DRC1: variants seen among roughly 807,000 people sequenced by gnomAD.
DRC1 encodes dynein regulatory complex subunit 1.
Under a neutral mutation model 98.7 loss-of-function variants are expected in DRC1, and 74 were observed. The ratio of observed to expected loss-of-function variants is 0.75; its 90% confidence interval spans 0.62 to 0.91. DRC1 has a LOEUF of 0.91. Among genes scored for constraint, DRC1 ranks in the 40% least tolerant of loss-of-function variants. The pLI is 0.00. For synonymous variants in DRC1, 336 were observed against 334.1 expected, an observed-to-expected ratio of 1.01 and a Z score of -0.06; for missense variants, 875 against 886.0, an observed-to-expected ratio of 0.99 and a Z score of 0.16.
At chr2:26,442,765 A>T (rs934023715) in intron 8 of DRC1, among the ~76,000 whole-genome samples, 1 of 152,100 alleles carries the variant, frequency 6.6e-6, no homozygotes, top group Non-Finnish European at 1.5e-5. Flanking sequence ...CCCTGTTTCC[A>T]GTTCTCCAGC....
rs1406745326 is a variant in DRC1, at chr2:26,429,182, GATGATTATTATTATTATTATTATT to G, written c.541-443_541-420del. Among the ~76,000 whole-genome samples, 150 of 145,902 alleles carry G rather than the reference GATGATTATTATTATTATTATTATT, an allele frequency of 1.0e-3. 3 individuals are homozygous for G. The highest frequency in any genetic ancestry group is 3.1e-3 in the South Asian group (14 of 4,558). On this transcript the variant is annotated intron_variant, in intron 4 of 16. Coordinates refer to ENST00000288710, the MANE Select transcript of DRC1 (RefSeq NM_145038.5). ...TCTGAAACCACTTTCTCTTTGTACAGATGATTATTATTATTATTATTATTATTATTATTATTATTATTATTATTA... is the reference window on the plus strand; with the variant it reads ...TCTGAAACCACTTTCTCTTTGTACAGATTATTATTATTATTATTATTATTA...
rs1572346150 is a variant in DRC1 at position 26,402,142 on chromosome 2, G to A, written c.153G>A (p.Arg51=). ...TCGCTGCGCGCTTAGAAGCCCGGAG[G>A]CGGTGAGCGCGGGGGCGGGCGGGGC... The part of the protein sequence containing the change: ...LRIAARLEAR[R]REALGEYLDG... The change falls in exon 1 of 17, where the codon AGG becomes AGA. Residue 51 remains arginine (R), a splice_region_variant and synonymous_variant. Transcript: ENST00000288710. The A allele has an allele frequency of 4.4e-6, 7 of 1,600,024 alleles. No homozygotes were observed. The highest frequency in any genetic ancestry group is 2.3e-5 in the East Asian group (1 of 44,350).
At chr2:26,421,569 T>C (rs1663143532) in intron 3 of DRC1, among the ~76,000 whole-genome samples, 169 bp downstream of exon 3, 1 of 149,880 alleles carries the variant, frequency 6.7e-6, no homozygotes, top group African/African-American at 2.5e-5. Context: ...TTTTTTTTTT[T>C]TTTTTTTTGA....
At chr2:26,419,206 A>G (rs2147984072) in intron 2 of DRC1, among the ~76,000 whole-genome samples, 1 of 152,174 alleles carries the variant, frequency 6.6e-6, no homozygotes, top group Non-Finnish European at 1.5e-5. Flanking sequence ...TTATTTAACA[A>G]TTTTTACATG....
chr2:26,443,737 T>C (rs1338063424), intron 8 of DRC1, among the ~76,000 whole-genome samples: 2 of 152,262 alleles, frequency 1.3e-5, no homozygotes, highest in African/African-American at 4.8e-5. Context: ...TTACTGGACC[T>C]GTTAACGGTA....
intron 7 of DRC1, among the ~76,000 whole-genome samples, chr2:26,435,027 T>C (rs1663535473): frequency 6.6e-6 from 1 of 151,958 alleles, no homozygotes; most frequent in African/African-American, 2.4e-5. Context: ...GCAGGCCCAG[T>C]TTAGGGTCGA....
chr2:26,453,295 C>T, intron 13 of DRC1, 25 bp from the exon 14 acceptor site: 6 of 1,613,460 alleles, frequency 3.7e-6, no homozygotes, highest in Non-Finnish European at 5.1e-6. Flanking sequence ...CCCCAGCCCA[C>T]AGTTGTCCGT....
At chr2:26,404,910 G>A (rs1330079239) in intron 1 of DRC1, among the ~76,000 whole-genome samples, 4 of 152,146 alleles carry the variant, frequency 2.6e-5, no homozygotes, top group Admixed American at 2.6e-4. Flanking sequence ...GGGTGTCAAT[G>A]GTAACTCAGA....
intron 13 of DRC1, among the ~76,000 whole-genome samples, chr2:26,451,889 T>C (rs1664016620): frequency 6.6e-6 from 1 of 152,174 alleles, no homozygotes; most frequent in African/African-American, 2.4e-5. Flanking sequence ...AGTTAAGGCA[T>C]TTCCTTAATA....
In DRC1 at chr2:26,429,361, G is replaced by T. The variant is rs144593324; in HGVS notation, c.541-267G>T. 7.1e-3 allele frequency among the ~76,000 whole-genome samples: 1,074 copies of T among 152,016 alleles called. 7 individuals carry two copies. The highest frequency in any genetic ancestry group is 0.012 in the Admixed American group (178 of 15,258). ...CTCCCAAGTAGCTGGGACCACAGGC[G>T]TGCACCACCACATCTGGCTAATTTT... On this transcript the variant is annotated intron_variant, in intron 4 of 16. Coordinates refer to ENST00000288710, the MANE Select transcript of DRC1 (RefSeq NM_145038.5).
chr2:26,440,612 T>C, intron 8 of DRC1, 95 bp downstream of exon 8: 1 of 1,379,682 alleles, frequency 7.2e-7, no homozygotes. Flanking sequence ...TAGAAACCAT[T>C]AAAAATATAA....
At position 26,442,259 on chromosome 2, in the gene DRC1, C is replaced by A. The variant is rs79320706; in HGVS notation, c.1028+1742C>A. ...CTGCCTCTTAATATTATCACATTGA[C>A]AACACTGAATTTTGGAGGAGTTACA... On this transcript the variant is annotated intron_variant, in intron 8 of 16. Transcript: ENST00000288710. Among the ~76,000 whole-genome samples the A allele has an allele frequency of 6.6e-5, 10 of 152,268 alleles. No individual in the cohort carries two copies. The East Asian group carries it at 1.9e-3, about 29-fold the overall frequency.
chr2:26,421,007 A>G (rs1214676301), intron 2 of DRC1: 2 of 198,856 alleles, frequency 1.0e-5, no homozygotes, highest in Non-Finnish European at 2.1e-5. Flanking sequence ...CAAATGCTCC[A>G]CCCACCTTGG....
At chr2:26,407,054 A>C (rs1488604046) in intron 1 of DRC1, among the ~76,000 whole-genome samples, 5 of 152,038 alleles carry the variant, frequency 3.3e-5, no homozygotes, top group Admixed American at 2.6e-4. Flanking sequence ...TCCAGAGCTC[A>C]AGTGATCCTG....
chr2:26,456,252 A>C (rs1446501428), intron 16 of DRC1, among the ~76,000 whole-genome samples: 1 of 152,192 alleles, frequency 6.6e-6, no homozygotes, highest in African/African-American at 2.4e-5. Context: ...ACGCTACCAG[A>C]GGTCACAGCT....
intron 2 of DRC1, among the ~76,000 whole-genome samples, chr2:26,416,333 G>T (rs933205954): frequency 2.0e-5 from 3 of 151,970 alleles, no homozygotes; most frequent in African/African-American, 7.2e-5. Flanking sequence ...TAGAGACAGG[G>T]TTTTCCCCAT....
At position 26,454,651 on chromosome 2, in the gene DRC1, T is replaced by C; in HGVS notation, c.1924T>C (p.Ser642Pro). The C allele has an allele frequency of 6.2e-7, 1 of 1,614,094 alleles. No individual in the cohort carries two copies. The highest frequency in any genetic ancestry group is 8.5e-7 in the Non-Finnish European group (1 of 1,180,012). Residue 642 changes from serine to proline, a missense_variant, in exon 15 of 17, where the codon TCG (serine) becomes CCG (proline). By Grantham distance (74) the Ser-to-Pro change is moderately conservative. Transcript: ENST00000288710. The surrounding 1 kb of genome is among the most constrained non-coding windows in gnomAD (Gnocchi z 5.2). ...CACTGTGCTCTTGGCCTTCAGGGACTCGCGGGCCCCGCTGAGGGTACAGAA... is the reference window on the plus strand; with the variant it reads ...CACTGTGCTCTTGGCCTTCAGGGACCCGCGGGCCCCGCTGAGGGTACAGAA... Reference protein sequence around the residue: ...FVMGLKKPRDSRAPLRVQKNV... With the variant: ...FVMGLKKPRDPRAPLRVQKNV...
At chr2:26,432,410 G>T (rs1663458440) in intron 7 of DRC1, among the ~76,000 whole-genome samples, 1 of 151,960 alleles carries the variant, frequency 6.6e-6, no homozygotes, top group African/African-American at 2.4e-5. Flanking sequence ...GAGGTTGGAG[G>T]GTCACTTGAG....
At chr2:26,452,489 A>C (rs1337058236) in intron 13 of DRC1, among the ~76,000 whole-genome samples, 1 of 152,130 alleles carries the variant, frequency 6.6e-6, no homozygotes, top group Non-Finnish European at 1.5e-5. Flanking sequence ...CGAACTCCTG[A>C]CCTCAAATGA....
Sources: allele counts gnomAD v4.1 joint callset (sites outside exome capture counted in the v4.1 genomes callset), GRCh38; gene constraint gnomAD v4.1.1; non-coding constraint Gnocchi (gnomAD v3.1); transcripts MANE v1.5; gene names NCBI Gene and HGNC (gene_info 2026-07-23, HGNC 2026-07-21).